CCDC28A: variants seen among roughly 807,000 people sequenced by gnomAD.
CCDC28A encodes coiled-coil domain-containing protein 28A.
A neutral mutation model predicts 22.1 loss-of-function variants in CCDC28A; 24 were observed. The observed-to-expected ratio is 1.09, with a 90% CI of 0.79 to 1.53. CCDC28A has a LOEUF of 1.53. Ranked by LOEUF, CCDC28A falls within the 40% of genes most tolerant of loss-of-function variation. The pLI, the probability that CCDC28A is intolerant of heterozygous loss-of-function variation, is 0.00. For synonymous variants in CCDC28A, 83 were observed against 74.7 expected (o/e 1.11, Z -0.57); for missense variants, 170 against 210.7 (o/e 0.81, Z 1.20).
At chr6:138,788,208 G>A (rs969557158) in intron 4 of CCDC28A, among the ~76,000 whole-genome samples, 158 bp from the exon 5 acceptor site, 6 of 151,842 alleles carry the variant, frequency 4.0e-5, no homozygotes, top group Non-Finnish European at 8.8e-5. Context: ...CAGTTCTCCC[G>A]CCTTGGCATC....
Position 138,788,386 on chromosome 6 carries a change from C to A in CCDC28A, c.498C>A (p.Ser166=). The change falls in exon 5 of 6, where the codon TCC becomes TCA. Residue 166 remains serine (S), a splice_region_variant and synonymous_variant. Coordinates refer to ENST00000617445, the MANE Select transcript of CCDC28A (RefSeq NM_015439.3). ...LLSDLEELNS[S]IQKLHLADAQ... Reference sequence around the variant, plus strand: ...TACAGTTAGAAGAATTGAATTCTTCCATGTATCCTTTGTCTGCTATCAACA... The same window carrying A: ...TACAGTTAGAAGAATTGAATTCTTCAATGTATCCTTTGTCTGCTATCAACA... The A allele has an allele frequency of 1.6e-6, 2 of 1,260,364 alleles. No individual in the cohort carries two copies. The highest frequency in any genetic ancestry group is 1.5e-5 in the South Asian group (1 of 66,748). The allele number at this position is 1,260,364 out of a possible 1,614,324, so 78.1% of individuals were successfully genotyped here. A position where few individuals can be genotyped will look rare whatever the true frequency, so the allele number is the denominator to read the frequency against.
intron 1 of CCDC28A, 147 bp downstream of exon 1, chr6:138,774,049 A>C (rs1045563952): frequency 3.1e-6 from 3 of 968,456 alleles, no homozygotes; most frequent in African/African-American, 3.3e-5. Flanking sequence ...AGGGATGCCC[A>C]GTGGTACTGC....
chr6:138,778,798 C>T lies in CCDC28A; in HGVS notation c.159-1024C>T, dbSNP rs534128467. On this transcript the variant is annotated intron_variant, in intron 2 of 5. Coordinates refer to ENST00000617445, the MANE Select transcript of CCDC28A (RefSeq NM_015439.3). ...TTTTTTTTTTTTTGACACGGAGTCT[C>T]GCTCTGTCACCCAGGCTGGAGTGCA... 6.0e-5 allele frequency among the ~76,000 whole-genome samples: 9 copies of T among 148,918 alleles called. 1 individual carries two copies. The Middle Eastern group carries it at 0.021, about 345-fold the overall frequency.
At position 138,776,001 on chromosome 6, in the gene CCDC28A, C is replaced by T. The variant is rs992985729; in HGVS notation, c.-42-78C>T. On this transcript the variant is annotated intron_variant, in intron 1 of 5. Transcript: ENST00000617445. ...TGGAATTCTTGATCCTCTTTTGACCCTGTGAAATGGGTCTTTGAATTTCTT... is the reference window on the plus strand; with the variant it reads ...TGGAATTCTTGATCCTCTTTTGACCTTGTGAAATGGGTCTTTGAATTTCTT... 17 of 1,209,876 alleles carry T rather than the reference C, an allele frequency of 1.4e-5. No individual in the cohort carries two copies. In the African/African-American group the frequency reaches 2.6e-4, roughly 18 times the overall value. The allele number at this position is 1,209,876 out of a possible 1,614,324, so 74.9% of individuals were successfully genotyped here.
chr6:138,786,300 C>T (rs79102073), intron 4 of CCDC28A, among the ~76,000 whole-genome samples: 7 of 152,256 alleles, frequency 4.6e-5, no homozygotes, highest in Admixed American at 1.3e-4. Context: ...GGGGTGAGGA[C>T]TAAGACATGA....
chr6:138,792,221 T>C (rs1029396757), intron 5 of CCDC28A, among the ~76,000 whole-genome samples: 1 of 152,156 alleles, frequency 6.6e-6, no homozygotes, highest in Non-Finnish European at 1.5e-5. Flanking sequence ...ATGAAAATGA[T>C]TATTGACACA....
intron 3 of CCDC28A, among the ~76,000 whole-genome samples, chr6:138,780,644 G>A (rs1775001996): frequency 6.8e-6 from 1 of 147,960 alleles, no homozygotes; most frequent in Non-Finnish European, 1.5e-5. Flanking sequence ...GCACGATCTC[G>A]GCTCACTGCA....
In CCDC28A at chr6:138,793,120, C is replaced by G; in HGVS notation, c.*317C>G. The G allele has an allele frequency of 3.4e-6, 1 of 291,200 alleles. No homozygotes were observed. Among genetic ancestry groups the G allele is most frequent in the South Asian group, 3.8e-5 (1 of 26,194 alleles). 18.0% of individuals were successfully genotyped at this position (291,200 alleles called of 1,614,324 possible). A position where few individuals can be genotyped will look rare whatever the true frequency, so the allele number is the denominator to read the frequency against. On this transcript the variant is annotated 3_prime_UTR_variant, in exon 6 of 6. Coordinates refer to ENST00000617445, the MANE Select transcript of CCDC28A (RefSeq NM_015439.3). ...TGTTCTTGACAGGGCGGAGGGATTTCTCTTTCCTGAGCTCACCAAACTTAT... is the reference window on the plus strand; with the variant it reads ...TGTTCTTGACAGGGCGGAGGGATTTGTCTTTCCTGAGCTCACCAAACTTAT...
chr6:138,786,146 A>G (rs1227680084), intron 4 of CCDC28A, among the ~76,000 whole-genome samples: 6 of 152,178 alleles, frequency 3.9e-5, no homozygotes, highest in African/African-American at 1.2e-4. Flanking sequence ...TCGTGTTCAC[A>G]TGGCTTCTTC....
intron 2 of CCDC28A, among the ~76,000 whole-genome samples, chr6:138,778,955 A>G (rs1583520671): frequency 6.6e-6 from 1 of 152,078 alleles, no homozygotes; most frequent in Non-Finnish European, 1.5e-5. Flanking sequence ...TTTAGTAGAG[A>G]CAGGGTTTTG....
At position 138,788,394 on chromosome 6, in the gene CCDC28A, C is replaced by T. The variant is rs1775123825; in HGVS notation, c.500+6C>T. ...GAAGAATTGAATTCTTCCATGTATCCTTTGTCTGCTATCAACAGTGAAAAG... is the reference window on the plus strand; with the variant it reads ...GAAGAATTGAATTCTTCCATGTATCTTTTGTCTGCTATCAACAGTGAAAAG... On this transcript the variant is annotated splice_donor_region_variant and intron_variant, in intron 5 of 5. Coordinates refer to ENST00000617445, the MANE Select transcript of CCDC28A (RefSeq NM_015439.3). 2 of 1,245,556 alleles carry T rather than the reference C, an allele frequency of 1.6e-6. No homozygotes were observed. Among genetic ancestry groups the T allele is most frequent in the Non-Finnish European group, 2.2e-6 (2 of 905,834 alleles). The allele number at this position is 1,245,556 out of a possible 1,614,324, so 77.2% of individuals were successfully genotyped here.
chr6:138,791,888 AG>A (rs1262140444), intron 5 of CCDC28A, among the ~76,000 whole-genome samples: 5 of 152,244 alleles, frequency 3.3e-5, no homozygotes, highest in Non-Finnish European at 5.9e-5. Flanking sequence ...ATGTACTGCA[AG>A]CATTTAGTTG....
At chr6:138,777,144 A>G (rs891844580) in intron 2 of CCDC28A, among the ~76,000 whole-genome samples, 2 of 152,226 alleles carry the variant, frequency 1.3e-5, no homozygotes, top group Admixed American at 1.3e-4. Context: ...ATTATTAAAT[A>G]AATTTACTCT....
At chr6:138,774,889 G>A (rs1316262430) in intron 1 of CCDC28A, among the ~76,000 whole-genome samples, 3 of 152,344 alleles carry the variant, frequency 2.0e-5, no homozygotes, top group Admixed American at 6.5e-5. Context: ...AAATAATGAA[G>A]TTAAGAAAAA....
chr6:138,790,383 C>T (rs1412760924), intron 5 of CCDC28A, among the ~76,000 whole-genome samples: 1 of 152,192 alleles, frequency 6.6e-6, no homozygotes, highest in Non-Finnish European at 1.5e-5. Context: ...ACTCCCGACT[C>T]AGGTGGTCTG....
intron 3 of CCDC28A, among the ~76,000 whole-genome samples, chr6:138,781,242 G>T (rs184093453): frequency 1.3e-5 from 2 of 152,118 alleles, no homozygotes; most frequent in Non-Finnish European, 2.9e-5. Context: ...GATTGCTCTA[G>T]TTCATTCTTT....
rs758318037 is a variant in CCDC28A at position 138,776,132 on chromosome 6, G to A, written c.12G>A (p.Arg4=). MEE[R]KVKRRSPKSF... ...AGGAACTTAAAACAATGGAAGAGCG[G>A]AAAGTGAAGAGGAGGAGTCCTAAGT... Residue 4 remains arginine, a synonymous_variant, in exon 2 of 6, where the codon CGG becomes CGA. Transcript: ENST00000617445. The A allele has an allele frequency of 1.2e-6, 2 of 1,614,106 alleles. No homozygotes were observed. The highest frequency in any genetic ancestry group is 1.7e-6 in the Non-Finnish European group (2 of 1,180,008).
chr6:138,785,556 C>T (rs1266101579), intron 4 of CCDC28A, among the ~76,000 whole-genome samples, 175 bp downstream of exon 4: 5 of 152,302 alleles, frequency 3.3e-5, no homozygotes, highest in African/African-American at 9.6e-5. Flanking sequence ...AACCCTGGAC[C>T]TCTCAATTCT....
intron 3 of CCDC28A, 99 bp from the exon 4 acceptor site, chr6:138,785,128 A>G (rs1775072175): frequency 1.5e-6 from 1 of 655,186 alleles, no homozygotes; most frequent in Non-Finnish European, 2.5e-6. Context: ...AAGAAAGAAA[A>G]CCTGTTTCTT....
Sources: gnomAD v4.1 joint callset for allele counts (sites outside exome capture counted in the v4.1 genomes callset) on GRCh38, gnomAD v4.1.1 for gene constraint, MANE v1.5 for transcripts, NCBI Gene and HGNC (gene_info 2026-07-23, HGNC 2026-07-21) for gene names.